Variants in RPL39L observed in about 807,000 individuals in gnomAD.
The protein encoded by RPL39L is ribosomal protein L39 like.
For missense variants in RPL39L, 48 were observed against 58.9 expected (o/e 0.81, Z 0.61); for synonymous variants, 16 against 20.1 (o/e 0.80, Z 0.55).
At chr3:187,126,525 A>C (rs1286977712) in intron 2 of RPL39L, among the ~76,000 whole-genome samples, 1 of 152,040 alleles carries the variant, frequency 6.6e-6, no homozygotes, top group African/African-American at 2.4e-5. Context: ...GTGCTTTATT[A>C]ATTTATTTTC....
intron 1 of RPL39L, among the ~76,000 whole-genome samples, chr3:187,130,832 A>G (rs950808530): frequency 6.6e-6 from 1 of 152,204 alleles, no homozygotes; most frequent in East Asian, 1.9e-4. Context: ...CAAGTATTTT[A>G]TATGCAGAGG....
rs367955930 is a variant in RPL39L, at chr3:187,137,090, G to A, written c.-93+2123C>T. Among the ~76,000 whole-genome samples, 182 of 151,372 alleles carry A rather than the reference G, an allele frequency of 1.2e-3. 4 individuals are homozygous for A. In the South Asian group the frequency reaches 0.034, roughly 28 times the overall value. On this transcript the variant is annotated intron_variant, in intron 1 of 2. Coordinates refer to ENST00000296277, the MANE Select transcript of RPL39L (RefSeq NM_052969.3). ...GGCATGGTGGTGCATGCCTGTGATCGGGAGGCTGAGGCAGCAAGAGGATGG... is the reference window on the plus strand; with the variant it reads ...GGCATGGTGGTGCATGCCTGTGATCAGGAGGCTGAGGCAGCAAGAGGATGG...
At chr3:187,133,352 A>G (rs1257818979) in intron 1 of RPL39L, among the ~76,000 whole-genome samples, 1 of 152,002 alleles carries the variant, frequency 6.6e-6, no homozygotes, top group Non-Finnish European at 1.5e-5. Flanking sequence ...ATGAGATCTG[A>G]TGGTTTAAAA....
At chr3:187,137,548 C>G (rs749933828) in intron 1 of RPL39L, among the ~76,000 whole-genome samples, 33 of 151,800 alleles carry the variant, frequency 2.2e-4, no homozygotes, top group Non-Finnish European at 4.6e-4. Context: ...TGCGGTGGCT[C>G]ACGCCTGCAA....
chr3:187,123,681 G>A (rs1264524496), intron 2 of RPL39L, among the ~76,000 whole-genome samples: 2 of 152,220 alleles, frequency 1.3e-5, no homozygotes, highest in African/African-American at 4.8e-5. Context: ...TGGGAACCCT[G>A]GTTGTACTGG....
intron 1 of RPL39L, among the ~76,000 whole-genome samples, chr3:187,129,717 C>T (rs186061922): frequency 1.7e-3 from 264 of 152,282 alleles, no homozygotes; most frequent in African/African-American, 6.1e-3. Flanking sequence ...TATGAACCCT[C>T]TATACCTTTT....
intron 2 of RPL39L, among the ~76,000 whole-genome samples, chr3:187,124,808 A>C (rs1334961333): frequency 5.9e-5 from 9 of 152,220 alleles, no homozygotes; most frequent in Non-Finnish European, 1.2e-4. Flanking sequence ...TGGGGCTATT[A>C]AATGGTTAGA....
intron 1 of RPL39L, among the ~76,000 whole-genome samples, chr3:187,132,918 GA>G (rs1720510384): frequency 6.8e-6 from 1 of 146,882 alleles, no homozygotes; most frequent in African/African-American, 2.7e-5. Context: ...TCCAAGGAAA[GA>G]CTGACCTGGC....
chr3:187,133,303 T>G (rs553831309), intron 1 of RPL39L, among the ~76,000 whole-genome samples: 1 of 152,190 alleles, frequency 6.6e-6, no homozygotes, highest in South Asian at 2.1e-4. Flanking sequence ...ATGTGGGTGG[T>G]TTCCCCCGTG....
chr3:187,138,033 C>G (rs3914916), intron 1 of RPL39L, among the ~76,000 whole-genome samples: 53,909 of 151,904 alleles, frequency 0.35, 12,625 homozygotes, highest in African/African-American at 0.66. Context: ...TGGAGGGTGA[C>G]TATTGGATTA....
chr3:187,135,283 G>A (rs753405297), intron 1 of RPL39L, among the ~76,000 whole-genome samples: 1 of 152,150 alleles, frequency 6.6e-6, no homozygotes, highest in Non-Finnish European at 1.5e-5. Context: ...AATATCGTTT[G>A]GCTGTGTCCC....
intron 2 of RPL39L, among the ~76,000 whole-genome samples, chr3:187,127,400 T>C (rs915572303): frequency 6.6e-6 from 1 of 152,218 alleles, no homozygotes; most frequent in African/African-American, 2.4e-5. Context: ...ACCACTAGTA[T>C]GAAAAAAGGA....
chr3:187,123,579 C>T (rs1270713918), intron 2 of RPL39L, among the ~76,000 whole-genome samples: 1 of 152,174 alleles, frequency 6.6e-6, no homozygotes, highest in Non-Finnish European at 1.5e-5. Context: ...GACTATTTGG[C>T]TCCAACCACT....
chr3:187,127,431 A>G (rs1293063474), intron 2 of RPL39L, among the ~76,000 whole-genome samples: 1 of 152,252 alleles, frequency 6.6e-6, no homozygotes, highest in Non-Finnish European at 1.5e-5. Flanking sequence ...ACAGGTAAAG[A>G]TAGTGGTCAC....
chr3:187,129,080 T>G (rs1720445036), intron 1 of RPL39L, among the ~76,000 whole-genome samples: 1 of 152,188 alleles, frequency 6.6e-6, no homozygotes, highest in African/African-American at 2.4e-5. Context: ...GGCAAGACAG[T>G]GATGATAGCT....
At chr3:187,136,864 T>C (rs1480020568) in intron 1 of RPL39L, among the ~76,000 whole-genome samples, 2 of 152,256 alleles carry the variant, frequency 1.3e-5, no homozygotes, top group Non-Finnish European at 2.9e-5. Context: ...TAAAATACCA[T>C]TTAAGCATGT....
At chr3:187,132,749 T>C (rs1720507241) in intron 1 of RPL39L, among the ~76,000 whole-genome samples, 1 of 152,150 alleles carries the variant, frequency 6.6e-6, no homozygotes, top group Non-Finnish European at 1.5e-5. Context: ...TACGAAATAA[T>C]TTTTCCTGAA....
intron 1 of RPL39L, among the ~76,000 whole-genome samples, chr3:187,136,000 G>A (rs1163611913): frequency 6.6e-6 from 1 of 152,230 alleles, no homozygotes; most frequent in African/African-American, 2.4e-5. Flanking sequence ...GAGGCTCTAG[G>A]AGGACTGGAT....
chr3:187,134,496 A>AAAAAAAAAAAAAAAAAAG (rs1362750015), intron 1 of RPL39L, among the ~76,000 whole-genome samples: 1 of 150,782 alleles, frequency 6.6e-6, no homozygotes, highest in South Asian at 2.2e-4. Flanking sequence ...AAAAAAAAAA[A>AAAAAAAAAAAAAAAAAAG]AAAAAAGAAG....
Sources: gnomAD v4.1 joint callset for allele counts (sites outside exome capture counted in the v4.1 genomes callset) on GRCh38, gnomAD v4.1.1 for gene constraint, MANE v1.5 for transcripts, NCBI Gene and HGNC (gene_info 2026-07-23, HGNC 2026-07-21) for gene names.